PIWIL3: variants seen among roughly 807,000 people sequenced by gnomAD.
PIWIL3 encodes the protein piwi like RNA-mediated gene silencing 3.
PIWIL3 carries 101 observed loss-of-function variants against 109.7 expected under a neutral mutation model. The ratio of observed to expected loss-of-function variants is 0.92; its 90% CI spans 0.78 to 1.09. The LOEUF (loss-of-function observed/expected upper bound fraction) is 1.09. Among genes scored for constraint, PIWIL3 ranks in the 50% least tolerant of loss-of-function variants. The pLI, the probability that PIWIL3 is intolerant of heterozygous loss-of-function variation, is 0.00. For synonymous variants in PIWIL3, 373 were observed against 376.4 expected, an observed-to-expected ratio of 0.99 and a Z score of 0.10; for missense variants, 1,031 against 1,072.6, an observed-to-expected ratio of 0.96 and a Z score of 0.54.
At chr22:24,753,512 C>G (rs539873504) in intron 8 of PIWIL3, among the ~76,000 whole-genome samples, 1 of 152,290 alleles carries the variant, frequency 6.6e-6, no homozygotes, top group East Asian at 1.9e-4. Context: ...ATCACACTGT[C>G]TTGATTACCA....
chr22:24,726,373 C>T (rs553349627), intron 16 of PIWIL3, among the ~76,000 whole-genome samples: 25 of 152,032 alleles, frequency 1.6e-4, no homozygotes, highest in African/African-American at 5.8e-4. Flanking sequence ...AGCTCCACCT[C>T]CCGGGTTCAC....
chr22:24,728,563 TTATA>T (rs1298365109), intron 14 of PIWIL3, among the ~76,000 whole-genome samples, 189 bp from the exon 15 acceptor site: 2 of 152,198 alleles, frequency 1.3e-5, no homozygotes, highest in African/African-American at 2.4e-5. Flanking sequence ...TTATATCAAC[TTATA>T]TGTATTTATT....
intron 14 of PIWIL3, among the ~76,000 whole-genome samples, chr22:24,732,391 C>T (rs546148696): frequency 6.6e-6 from 1 of 152,198 alleles, no homozygotes; most frequent in South Asian, 2.1e-4. Context: ...TGACATAATG[C>T]CTTAAAATAT....
intron 12 of PIWIL3, among the ~76,000 whole-genome samples, chr22:24,742,640 A>G (rs909724441): frequency 6.6e-6 from 1 of 152,228 alleles, no homozygotes; most frequent in Admixed American, 6.5e-5. Context: ...AAACAAAAAC[A>G]AAGTGGGGAA....
Position 24,719,375 on chromosome 22 carries a change from C to A in PIWIL3, c.*97G>T. On this transcript the variant is annotated 3_prime_UTR_variant, in exon 21 of 21. Transcript: ENST00000616349. ...AATCAAAAACGATGAGAATTTAATG[C>A]TATGGACCTAGGAAAATATTTCAGA... 1 of 938,918 alleles carries A rather than the reference C, an allele frequency of 1.1e-6. No individual in the cohort carries two copies. The highest frequency in any genetic ancestry group is 1.6e-6 in the Non-Finnish European group (1 of 620,540). The allele number at this position is 938,918 out of a possible 1,614,324, so 58.2% of individuals were successfully genotyped here. A position where few individuals can be genotyped will look rare whatever the true frequency, so the allele number is the denominator to read the frequency against.
At chr22:24,751,287 T>C in intron 9 of PIWIL3, 100 bp downstream of exon 9, 1 of 1,223,838 alleles carries the variant, frequency 8.2e-7, no homozygotes, top group Non-Finnish European at 1.1e-6. Flanking sequence ...GGAAAATATG[T>C]ATGTTTATAT....
At position 24,748,859 on chromosome 22, in the gene PIWIL3, C is replaced by T. The variant is rs1211436625; in HGVS notation, c.1449+48G>A. On this transcript the variant is annotated intron_variant, in intron 12 of 20. Coordinates refer to ENST00000616349, the MANE Select transcript of PIWIL3 (RefSeq NM_001255975.1). ...CTCAAGTTAGTTCCTTTTTGCTTTA[C>T]TCTTCATTTGACCCCACCATGACAT... 2.0e-5 allele frequency: 29 copies of T among 1,457,588 alleles called. No homozygotes were observed. The Admixed American group carries it at 2.7e-4, about 14-fold the overall frequency. 90.3% of individuals were successfully genotyped at this position (1,457,588 alleles called of 1,614,324 possible). A position where few individuals can be genotyped will look rare whatever the true frequency, so the allele number is the denominator to read the frequency against.
intron 18 of PIWIL3, among the ~76,000 whole-genome samples, chr22:24,724,147 G>A (rs1922846468): frequency 6.6e-6 from 1 of 152,014 alleles, no homozygotes; most frequent in Non-Finnish European, 1.5e-5. Flanking sequence ...AAAGCAGAAG[G>A]GTCTTCCCGG....
chr22:24,754,299 A>G (rs184644420), intron 7 of PIWIL3, 82 bp from the exon 8 acceptor site: 1 of 1,205,756 alleles, frequency 8.3e-7, no homozygotes, highest in East Asian at 2.5e-5. Context: ...TGGGTCTAAA[A>G]ATTGGTACTT....
intron 14 of PIWIL3, among the ~76,000 whole-genome samples, chr22:24,733,175 G>A (rs1327992477): frequency 6.6e-6 from 1 of 152,152 alleles, no homozygotes; most frequent in Non-Finnish European, 1.5e-5. Flanking sequence ...TAGGCTTCAT[G>A]TAAAACACAA....
intron 16 of PIWIL3, among the ~76,000 whole-genome samples, chr22:24,727,327 G>T (rs1229809340): frequency 6.6e-6 from 1 of 152,146 alleles, no homozygotes. Context: ...GTAATTACAT[G>T]AGCTCCTTTA....
At chr22:24,749,620 C>G in intron 10 of PIWIL3, 73 bp downstream of exon 10, 1 of 1,611,624 alleles carries the variant, frequency 6.2e-7, no homozygotes, top group South Asian at 1.1e-5. Context: ...AGACACCCTT[C>G]GAATTCCCTG....
chr22:24,744,481 G>T (rs770389310), intron 12 of PIWIL3, among the ~76,000 whole-genome samples: 3 of 152,114 alleles, frequency 2.0e-5, no homozygotes, highest in Non-Finnish European at 4.4e-5. Context: ...GCTGAGGCAG[G>T]AGAATCGCTT....
chr22:24,725,877 G>A (rs1922964638), intron 16 of PIWIL3, among the ~76,000 whole-genome samples: 1 of 152,128 alleles, frequency 6.6e-6, no homozygotes, highest in Admixed American at 6.5e-5. Flanking sequence ...GCTCCTCCAT[G>A]TTCCCCCTCA....
chr22:24,740,282 C>T (rs549154877), intron 12 of PIWIL3, among the ~76,000 whole-genome samples: 333 of 149,754 alleles, frequency 2.2e-3, no homozygotes, highest in Middle Eastern at 0.011. Context: ...GGCACAATGG[C>T]CCACTCCTGT....
chr22:24,763,148 CTTTTTT>C (rs11288934), intron 1 of PIWIL3, among the ~76,000 whole-genome samples: 1 of 141,676 alleles, frequency 7.1e-6, no homozygotes, highest in Non-Finnish European at 1.5e-5. Flanking sequence ...ACTTTTTTTT[CTTTTTT>C]TTTTTTTTGA....
intron 14 of PIWIL3, 36 bp from the exon 15 acceptor site, chr22:24,728,410 C>A (rs766116064): frequency 4.3e-5 from 69 of 1,612,456 alleles, no homozygotes; most frequent in African/African-American, 5.3e-5. Context: ...CCCTAAGATA[C>A]AACAACAGTG....
In PIWIL3 at chr22:24,724,902, G is replaced by T; in HGVS notation, c.2216C>A (p.Thr739Asn). ...TACAACCTACTTGTTAGGAGAGATG[G>T]TTTTTAAGTAGGTCGACATCTTTTT... is the stretch of plus-strand genomic sequence containing the variant. ...EAKKMSTYLK[T>N]ISPNNFTLAF... Residue 739 changes from threonine to asparagine, a missense_variant, in exon 18 of 21, where the codon ACC (threonine) becomes AAC (asparagine). By Grantham distance (65) the Thr-to-Asn change is moderately conservative. Coordinates refer to ENST00000616349, the MANE Select transcript of PIWIL3 (RefSeq NM_001255975.1). 1 of 1,613,826 alleles carries T rather than the reference G, an allele frequency of 6.2e-7. No homozygotes were observed. Among genetic ancestry groups the T allele is most frequent in the South Asian group, 1.1e-5 (1 of 91,016 alleles).
At position 24,719,603 on chromosome 22, in the gene PIWIL3, G is replaced by T. The variant is rs1922538791; in HGVS notation, c.2506-15C>A. Reference sequence around the variant, plus strand: ...CGGATGATGCCCTTTAGTAGGAAAAGAAAATACACAACTAAATTTTTTTCA... The same window carrying T: ...CGGATGATGCCCTTTAGTAGGAAAATAAAATACACAACTAAATTTTTTTCA... On this transcript the variant is annotated splice_polypyrimidine_tract_variant and intron_variant, in intron 20 of 20. Coordinates refer to ENST00000616349, the MANE Select transcript of PIWIL3 (RefSeq NM_001255975.1). The T allele has an allele frequency of 3.8e-6, 6 of 1,566,678 alleles. No individual in the cohort carries two copies. The highest frequency in any genetic ancestry group is 1.4e-5 in the African/African-American group (1 of 72,580).
Sources: gnomAD v4.1 joint callset for allele counts (sites outside exome capture counted in the v4.1 genomes callset) on GRCh38, gnomAD v4.1.1 for gene constraint, MANE v1.5 for transcripts, NCBI Gene and HGNC (gene_info 2026-07-23, HGNC 2026-07-21) for gene names.